Variants in NALF1 observed in about 807,000 individuals in gnomAD.
NALF1 encodes the protein family with sequence similarity 155 member A.
Under a neutral mutation model 48.4 loss-of-function variants are expected in NALF1, and 3 were observed. The observed-to-expected ratio is 0.06, with a 90% CI of 0.03 to 0.16. NALF1 has a LOEUF of 0.16. Ranked by LOEUF, NALF1 falls within the 10% of genes least tolerant of loss-of-function variation. The pLI is 1.00. For synonymous variants in NALF1, 262 were observed against 245.7 expected (o/e 1.07, Z -0.62); for missense variants, 526 against 571.5 (o/e 0.92, Z 0.81).
intron 1 of NALF1, among the ~76,000 whole-genome samples, chr13:107,226,004 C>T (rs1017820419): frequency 8.5e-5 from 13 of 152,080 alleles, no homozygotes; most frequent in African/African-American, 2.9e-4. Context: ...CACACGTGGA[C>T]GTTTCTAACT....
intron 1 of NALF1, among the ~76,000 whole-genome samples, chr13:107,777,742 C>A (rs1877779650): frequency 6.6e-6 from 1 of 152,050 alleles, no homozygotes; most frequent in African/African-American, 2.4e-5. Flanking sequence ...TGTAGCAATG[C>A]AAGAACGGCC....
intron 1 of NALF1, among the ~76,000 whole-genome samples, chr13:107,316,459 TGA>T (rs977840308): frequency 7.2e-5 from 11 of 152,242 alleles, no homozygotes; most frequent in African/African-American, 2.4e-4. Flanking sequence ...TCTAGATCCC[TGA>T]GGAATCACCA....
At chr13:107,679,818 G>T (rs1013948367) in intron 1 of NALF1, among the ~76,000 whole-genome samples, 1 of 152,168 alleles carries the variant, frequency 6.6e-6, no homozygotes, top group Non-Finnish European at 1.5e-5. Flanking sequence ...CCATTCCCAG[G>T]TGTCTCCATT....
intron 1 of NALF1, among the ~76,000 whole-genome samples, chr13:107,219,394 A>G (rs1879944840): frequency 6.6e-6 from 1 of 152,214 alleles, no homozygotes; most frequent in African/African-American, 2.4e-5. Context: ...ATATAAATTC[A>G]ATTTTGGGCT....
intron 1 of NALF1, among the ~76,000 whole-genome samples, chr13:107,298,943 T>G (rs2138890417): frequency 6.6e-6 from 1 of 152,304 alleles, no homozygotes; most frequent in Admixed American, 6.5e-5. Context: ...TACCATTTTT[T>G]TCCCCTAATG....
chr13:107,572,000 T>C (rs1336205444), intron 1 of NALF1, among the ~76,000 whole-genome samples: 1 of 152,172 alleles, frequency 6.6e-6, no homozygotes, highest in African/African-American at 2.4e-5. Flanking sequence ...GTATTCTCAA[T>C]GCTTCTAAGG....
At chr13:107,405,896 G>C (rs1250197358) in intron 1 of NALF1, among the ~76,000 whole-genome samples, 1 of 152,086 alleles carries the variant, frequency 6.6e-6, no homozygotes, top group African/African-American at 2.4e-5. Flanking sequence ...GTTCATGTTA[G>C]ATTGGCAATT....
At position 107,866,650 on chromosome 13, in the gene NALF1, T is replaced by A; in HGVS notation, c.-54A>T. On this transcript the variant is annotated 5_prime_UTR_variant, in exon 1 of 3. Transcript: ENST00000375915. This position sits in a 1 kb window ranked among gnomAD's most constrained non-coding sequence, Gnocchi z 4.4. ...TCCACCGTGAGGGCGCCTGTGCCGG[T>A]GTCACCACAATATGCATTGACTTAA... The A allele has an allele frequency of 1.4e-6, 2 of 1,468,772 alleles. No individual in the cohort carries two copies. The highest frequency in any genetic ancestry group is 1.8e-6 in the Non-Finnish European group (2 of 1,082,766). 91.0% of individuals were successfully genotyped at this position (1,468,772 alleles called of 1,614,324 possible).
intron 1 of NALF1, among the ~76,000 whole-genome samples, chr13:107,459,512 A>C (rs187284927): frequency 7.9e-5 from 12 of 152,266 alleles, no homozygotes; most frequent in Admixed American, 7.2e-4. Flanking sequence ...TAAGAAAAAA[A>C]CATTTTTTTC....
chr13:107,819,206 T>C (rs1879280171), intron 1 of NALF1, among the ~76,000 whole-genome samples: 2 of 152,190 alleles, frequency 1.3e-5, no homozygotes, highest in Non-Finnish European at 2.9e-5. Context: ...TGATTTGTAA[T>C]CACTTCATTG....
chr13:107,438,251 T>G (rs1884494878), intron 1 of NALF1, among the ~76,000 whole-genome samples: 1 of 152,224 alleles, frequency 6.6e-6, no homozygotes, highest in Non-Finnish European at 1.5e-5. Flanking sequence ...TCCCAATATT[T>G]TTTTCAGATG....
chr13:107,648,807 TAA>T (rs546662143), intron 1 of NALF1, among the ~76,000 whole-genome samples: 180 of 152,320 alleles, frequency 1.2e-3, no homozygotes, highest in African/African-American at 4.3e-3. Context: ...TAGCAGTGAA[TAA>T]GAGTCCCTGT....
At chr13:107,452,852 T>C (rs1366171458) in intron 1 of NALF1, among the ~76,000 whole-genome samples, 1 of 152,130 alleles carries the variant, frequency 6.6e-6, no homozygotes, top group Non-Finnish European at 1.5e-5. Flanking sequence ...CTTAGATAAA[T>C]ACACCCATTC....
intron 1 of NALF1, among the ~76,000 whole-genome samples, chr13:107,331,290 T>C (rs1247146847): frequency 6.6e-6 from 1 of 152,200 alleles, no homozygotes; most frequent in Non-Finnish European, 1.5e-5. Context: ...AGTGCAATCG[T>C]TCAATTGCTT....
At chr13:107,304,102 C>T (rs1027294589) in intron 1 of NALF1, among the ~76,000 whole-genome samples, 1 of 152,006 alleles carries the variant, frequency 6.6e-6, no homozygotes, top group African/African-American at 2.4e-5. Flanking sequence ...GTTTAAAAAT[C>T]CAATTTGGTT....
intron 1 of NALF1, among the ~76,000 whole-genome samples, chr13:107,672,060 C>CT (rs2138486528): frequency 6.6e-6 from 1 of 152,214 alleles, no homozygotes; most frequent in South Asian, 2.1e-4. Context: ...TGTGAAAGCC[C>CT]TAACATGTTC....
At chr13:107,667,199 G>A (rs1594194210) in intron 1 of NALF1, among the ~76,000 whole-genome samples, 1 of 151,754 alleles carries the variant, frequency 6.6e-6, no homozygotes, top group Non-Finnish European at 1.5e-5. Context: ...ATTTAACCTT[G>A]TATGTAATTA....
At chr13:107,830,776 G>A (rs560605159) in intron 1 of NALF1, among the ~76,000 whole-genome samples, 2 of 152,132 alleles carry the variant, frequency 1.3e-5, no homozygotes, top group African/African-American at 2.4e-5. Flanking sequence ...CAAAGAATGC[G>A]ATGTGCCACT....
intron 1 of NALF1, among the ~76,000 whole-genome samples, chr13:107,283,427 C>G (rs1232743018): frequency 6.7e-6 from 1 of 150,262 alleles, no homozygotes; most frequent in Non-Finnish European, 1.5e-5. Context: ...CAAAAGTTGA[C>G]AGCAACCAGG....
Sources: allele counts gnomAD v4.1 joint callset (sites outside exome capture counted in the v4.1 genomes callset), GRCh38; gene constraint gnomAD v4.1.1; non-coding constraint Gnocchi (gnomAD v3.1); transcripts MANE v1.5; gene names NCBI Gene and HGNC (gene_info 2026-07-23, HGNC 2026-07-21).